Variants in TNIK observed in about 807,000 individuals in gnomAD.
TNIK encodes TRAF2 and NCK interacting kinase.
Under a neutral mutation model 191.3 loss-of-function variants are expected in TNIK, and 49 were observed. The observed-to-expected ratio is 0.26, with a 90% confidence interval of 0.20 to 0.32. The LOEUF is 0.32. Ranked by LOEUF, TNIK falls within the 10% of genes least tolerant of loss-of-function variation. The probability of loss-of-function intolerance (pLI) is 1.00; values close to 1 mark genes in which losing one functional copy is unlikely to be tolerated. For missense variants in TNIK, 1,155 were observed against 1,702.3 expected, an observed-to-expected ratio of 0.68 and a Z score of 5.66; for synonymous variants, 594 against 600.9, an observed-to-expected ratio of 0.99 and a Z score of 0.17.
chr3:171,079,210 C>T (rs1475637579), intron 28 of TNIK, among the ~76,000 whole-genome samples: 1 of 152,162 alleles, frequency 6.6e-6, no homozygotes, highest in Non-Finnish European at 1.5e-5. Flanking sequence ...CATTTCTTCT[C>T]TTCTCTTGGT....
At chr3:171,172,643 A>C (rs1237504126) in intron 9 of TNIK, among the ~76,000 whole-genome samples, 1 of 152,122 alleles carries the variant, frequency 6.6e-6, no homozygotes, top group Non-Finnish European at 1.5e-5. Context: ...CACCTCTACA[A>C]AGGCTGGGAT....
chr3:171,341,435 G>C (rs1757503533), intron 2 of TNIK, among the ~76,000 whole-genome samples: 1 of 117,542 alleles, frequency 8.5e-6, no homozygotes, highest in Admixed American at 1.2e-4. Flanking sequence ...TTGCACCACT[G>C]CACTCCAGCC....
chr3:171,412,213 C>T (rs922207307), intron 1 of TNIK, among the ~76,000 whole-genome samples: 17 of 152,260 alleles, frequency 1.1e-4, no homozygotes, highest in East Asian at 3.9e-4. Flanking sequence ...GCTTAACCAA[C>T]ATTAGGCAGA....
chr3:171,273,778 T>C (rs1749407336), intron 2 of TNIK, among the ~76,000 whole-genome samples: 2 of 152,310 alleles, frequency 1.3e-5, no homozygotes, highest in South Asian at 4.1e-4. Context: ...GAAAGTGGTA[T>C]AGAAATGGTA....
At chr3:171,344,525 A>C (rs1245292425) in intron 2 of TNIK, among the ~76,000 whole-genome samples, 1 of 152,138 alleles carries the variant, frequency 6.6e-6, no homozygotes, top group Non-Finnish European at 1.5e-5. Flanking sequence ...TATTAATATC[A>C]CACAAGAAAG....
intron 18 of TNIK, among the ~76,000 whole-genome samples, chr3:171,111,515 T>G (rs1016704242): frequency 6.6e-6 from 1 of 151,862 alleles, no homozygotes; most frequent in African/African-American, 2.4e-5. Context: ...AGATAATGAG[T>G]GTTGGTGAGG....
At chr3:171,153,138 T>A (rs545411868) in intron 12 of TNIK, among the ~76,000 whole-genome samples, 1 of 152,166 alleles carries the variant, frequency 6.6e-6, no homozygotes, top group Non-Finnish European at 1.5e-5. Context: ...CTTCCTGACC[T>A]CTGAGCAGCA....
intron 2 of TNIK, among the ~76,000 whole-genome samples, chr3:171,258,705 G>A (rs77114396): frequency 0.021 from 3,232 of 152,262 alleles, 123 homozygotes; most frequent in African/African-American, 0.074. Context: ...CACCATGCCA[G>A]GACCTGCCCT....
chr3:171,186,392 A>G (rs1223969975), intron 7 of TNIK, among the ~76,000 whole-genome samples: 1 of 152,174 alleles, frequency 6.6e-6, no homozygotes, highest in Non-Finnish European at 1.5e-5. Flanking sequence ...GTTATTTATT[A>G]TTTACTATTT....
chr3:171,086,655 T>G (rs1721396226), intron 24 of TNIK, among the ~76,000 whole-genome samples: 1 of 152,234 alleles, frequency 6.6e-6, no homozygotes, highest in South Asian at 2.1e-4. Context: ...TACATGTGCT[T>G]TATAAACACA....
chr3:171,274,173 G>A (rs911754626), intron 2 of TNIK, among the ~76,000 whole-genome samples: 5 of 152,298 alleles, frequency 3.3e-5, no homozygotes, highest in Admixed American at 6.5e-5. Context: ...CAAGGAAAAC[G>A]CTTAACAAAG....
intron 2 of TNIK, among the ~76,000 whole-genome samples, chr3:171,307,306 T>C (rs1753560736): frequency 6.6e-6 from 1 of 152,104 alleles, no homozygotes; most frequent in Non-Finnish European, 1.5e-5. Flanking sequence ...ATAGAAACCC[T>C]GCATCCAGCC....
At chr3:171,291,768 T>C (rs1387302416) in intron 2 of TNIK, among the ~76,000 whole-genome samples, 1 of 152,214 alleles carries the variant, frequency 6.6e-6, no homozygotes, top group Non-Finnish European at 1.5e-5. Flanking sequence ...ATTTGTAAAT[T>C]TGTGTTTCTC....
At chr3:171,343,213 G>A (rs545962505) in intron 2 of TNIK, among the ~76,000 whole-genome samples, 13 of 152,222 alleles carry the variant, frequency 8.5e-5, no homozygotes, top group Admixed American at 7.2e-4. Context: ...GGGGTGAGCC[G>A]TTTACAGTAG....
At chr3:171,382,117 A>T (rs1221659505) in intron 1 of TNIK, among the ~76,000 whole-genome samples, 2 of 149,946 alleles carry the variant, frequency 1.3e-5, no homozygotes, top group Non-Finnish European at 3.0e-5. Flanking sequence ...AGATATTTTT[A>T]TTCATTTATG....
intron 2 of TNIK, among the ~76,000 whole-genome samples, chr3:171,290,820 T>C (rs995413588): frequency 6.6e-6 from 1 of 152,188 alleles, no homozygotes; most frequent in African/African-American, 2.4e-5. Context: ...TAACAGACTT[T>C]ATGGAACGAG....
intron 29 of TNIK, among the ~76,000 whole-genome samples, chr3:171,069,297 T>C (rs1718884477): frequency 6.6e-6 from 1 of 152,172 alleles, no homozygotes. Context: ...TTGCTGTTTT[T>C]TCCTGTTTAT....
intron 6 of TNIK, among the ~76,000 whole-genome samples, chr3:171,190,196 G>T (rs1292596901): frequency 2.6e-5 from 4 of 152,202 alleles, no homozygotes; most frequent in South Asian, 2.1e-4. Context: ...GGAAGTGGGG[G>T]TAATCAGTAT....
At chr3:171,381,724 T>C (rs1284577751) in intron 1 of TNIK, among the ~76,000 whole-genome samples, 1 of 152,194 alleles carries the variant, frequency 6.6e-6, no homozygotes, top group East Asian at 1.9e-4. Context: ...CAATGGTATG[T>C]AAGCAGAATT....
Sources: allele counts gnomAD v4.1 joint callset (sites outside exome capture counted in the v4.1 genomes callset), GRCh38; gene constraint gnomAD v4.1.1; transcripts MANE v1.5; gene names NCBI Gene and HGNC (gene_info 2026-07-23, HGNC 2026-07-21).